The following CNNM2 variants were observed in gnomAD, a reference collection of about 807,000 sequenced individuals.
CNNM2 encodes the protein metal transporter CNNM2.
A neutral mutation model predicts 66.9 loss-of-function variants in CNNM2; 12 were observed. The observed-to-expected ratio is 0.18, with a 90% CI of 0.11 to 0.29. The LOEUF is 0.29. CNNM2 is among the 10% of genes least tolerant of loss of function. The probability of loss-of-function intolerance (pLI) is 1.00; values close to 1 mark genes in which losing one functional copy is unlikely to be tolerated. For synonymous variants in CNNM2, 557 were observed against 501.8 expected (o/e 1.11, Z -1.47); for missense variants, 705 against 1,167.7 (o/e 0.60, Z 5.77).
chr10:103,077,118 G>T lies in CNNM2; in HGVS notation c.2566G>T (p.Glu856Ter). Residue 856 changes from glutamate to a stop codon, truncating the protein, a stop_gained, in exon 8 of 8, where the codon GAA (glutamate) becomes TAA (stop). Transcript: ENST00000369878. LOFTEE classifies it high-confidence loss of function. ...AGACGAGACAGCCAACCTGCTCAAC[G>T]AACAGAACTGTGTGACGCACAGTAA... ...LPDETANLLNEQNCVTHSKAN... is the reference protein window; with the variant it reads ...LPDETANLLN The T allele has an allele frequency of 6.2e-7, 1 of 1,613,960 alleles. No homozygotes were observed. Among genetic ancestry groups the T allele is most frequent in the Non-Finnish European group, 8.5e-7 (1 of 1,179,892 alleles).
chr10:102,964,116 T>C (rs2063424880), intron 1 of CNNM2, among the ~76,000 whole-genome samples: 1 of 152,238 alleles, frequency 6.6e-6, no homozygotes, highest in South Asian at 2.1e-4. Flanking sequence ...AAATATTAAG[T>C]CTACACTCAG....
At chr10:102,979,769 T>TA (rs2063691288) in intron 1 of CNNM2, among the ~76,000 whole-genome samples, 1 of 115,706 alleles carries the variant, frequency 8.6e-6, no homozygotes, top group African/African-American at 3.8e-5. Flanking sequence ...CAAATGAGGT[T>TA]AAAAATTGAT....
chr10:102,971,711 T>C (rs996329358), intron 1 of CNNM2, among the ~76,000 whole-genome samples: 2 of 152,228 alleles, frequency 1.3e-5, no homozygotes, highest in African/African-American at 4.8e-5. Context: ...TTTGTATGAC[T>C]CTACCATAAT....
chr10:103,075,381 T>G (rs1026778544), intron 6 of CNNM2, among the ~76,000 whole-genome samples: 8 of 152,178 alleles, frequency 5.3e-5, no homozygotes, highest in African/African-American at 1.7e-4. Context: ...AACTTCCATT[T>G]AAGAGCAACA....
intron 6 of CNNM2, 54 bp from the exon 7 acceptor site, chr10:103,076,032 T>TTATTG (rs2065684439): frequency 6.8e-7 from 1 of 1,473,310 alleles, no homozygotes; most frequent in Non-Finnish European, 9.2e-7. Flanking sequence ...ATAACTGGTT[T>TTATTG]TATTGGCTGT....
In CNNM2 at chr10:102,943,636, G is replaced by A. The variant is rs565853792; in HGVS notation, c.1621+23535G>A. 1.4e-4 allele frequency among the ~76,000 whole-genome samples: 21 copies of A among 152,274 alleles called. No individual in the cohort carries two copies. In the South Asian group the frequency reaches 2.1e-3, roughly 15 times the overall value. On this transcript the variant is annotated intron_variant, in intron 1 of 7. Transcript: ENST00000369878. The stretch of plus-strand genomic sequence containing the variant: ...ACTCATTACCAACTACTACTGTATG[G>A]AATCCAGAGCCTTCCAGAGTTTGTA...
intron 1 of CNNM2, among the ~76,000 whole-genome samples, chr10:102,974,483 G>A (rs756807105): frequency 2.6e-5 from 4 of 152,154 alleles, no homozygotes; most frequent in African/African-American, 7.2e-5. Context: ...ATGTGAGTCC[G>A]TAGTGAGATG....
At chr10:102,975,654 C>T (rs1210019121) in intron 1 of CNNM2, among the ~76,000 whole-genome samples, 1 of 152,102 alleles carries the variant, frequency 6.6e-6, no homozygotes, top group Non-Finnish European at 1.5e-5. Flanking sequence ...TCTGTGTTGG[C>T]AGGACCTGTG....
chr10:103,012,780 C>A (rs1478324964), intron 1 of CNNM2, among the ~76,000 whole-genome samples: 1 of 151,692 alleles, frequency 6.6e-6, no homozygotes, highest in Non-Finnish European at 1.5e-5. Flanking sequence ...ACCACACTGG[C>A]TAGAGTTATA....
chr10:103,038,001 A>G (rs1177089184), intron 1 of CNNM2, among the ~76,000 whole-genome samples: 1 of 151,978 alleles, frequency 6.6e-6, no homozygotes, highest in Non-Finnish European at 1.5e-5. Context: ...CACCATACCC[A>G]GCTAATTTTT....
rs1345816850 is a variant in CNNM2 at position 103,015,069 on chromosome 10, A to G, written c.1622-34638A>G. On this transcript the variant is annotated intron_variant, in intron 1 of 7. Transcript: ENST00000369878. Reference sequence around the variant, plus strand: ...TTTTAAACATTTGAAAAACCAGAACATATACTCATGAGTGTAATGGTTACA... The same window carrying G: ...TTTTAAACATTTGAAAAACCAGAACGTATACTCATGAGTGTAATGGTTACA... 4.6e-5 allele frequency among the ~76,000 whole-genome samples: 7 copies of G among 152,232 alleles called. No homozygotes were observed. The South Asian group carries it at 1.4e-3, about 32-fold the overall frequency.
chr10:102,981,803 C>T (rs1214238760), intron 1 of CNNM2, among the ~76,000 whole-genome samples: 1 of 151,008 alleles, frequency 6.6e-6, no homozygotes, highest in Non-Finnish European at 1.5e-5. Context: ...TGTTTATTGG[C>T]CATATGTCTA....
intron 1 of CNNM2, among the ~76,000 whole-genome samples, chr10:102,989,588 A>G (rs1251907517): frequency 6.6e-6 from 1 of 152,026 alleles, no homozygotes; most frequent in East Asian, 1.9e-4. Flanking sequence ...GGATCACCTT[A>G]GGTCAAGAGT....
chr10:103,018,944 C>T (rs1590403644), intron 1 of CNNM2, among the ~76,000 whole-genome samples: 1 of 149,762 alleles, frequency 6.7e-6, no homozygotes, highest in East Asian at 2.0e-4. Flanking sequence ...GCGTGAGCCG[C>T]TGTACCTGGC....
chr10:103,071,271 T>C, intron 5 of CNNM2, among the ~76,000 whole-genome samples: 1 of 152,216 alleles, frequency 6.6e-6, no homozygotes, highest in Middle Eastern at 3.2e-3. Flanking sequence ...CTTTACTTAC[T>C]TTCCTCTATG....
chr10:102,984,649 A>G lies in CNNM2; in HGVS notation c.1621+64548A>G, dbSNP rs1971589. Among the ~76,000 whole-genome samples the G allele has an allele frequency of 0.41, 61,925 of 151,930 alleles. 12,841 individuals carry two copies. Among genetic ancestry groups the G allele is most frequent in the East Asian group, 0.56 (2,884 of 5,166 alleles). On this transcript the variant is annotated intron_variant, in intron 1 of 7. Coordinates refer to ENST00000369878, the MANE Select transcript of CNNM2 (RefSeq NM_017649.5). ...GATTATAACTGAAATATAATTGTGTAATCTTGTCCTTACTTCTATCTTATT... is the reference window on the plus strand; with the variant it reads ...GATTATAACTGAAATATAATTGTGTGATCTTGTCCTTACTTCTATCTTATT...
At chr10:102,935,856 C>G (rs1207564542) in intron 1 of CNNM2, among the ~76,000 whole-genome samples, 1 of 146,946 alleles carries the variant, frequency 6.8e-6, no homozygotes, top group Non-Finnish European at 1.5e-5. Context: ...TGGCCTCAAG[C>G]AGTCCTTCCA....
chr10:103,021,225 A>T (rs2064573244), intron 1 of CNNM2, among the ~76,000 whole-genome samples: 2 of 152,168 alleles, frequency 1.3e-5, no homozygotes, highest in Admixed American at 6.5e-5. Context: ...GGGACAGGCT[A>T]AATGGAGCCC....
At chr10:103,036,533 C>T (rs1358679950) in intron 1 of CNNM2, among the ~76,000 whole-genome samples, 2 of 152,166 alleles carry the variant, frequency 1.3e-5, no homozygotes, top group African/African-American at 4.8e-5. Flanking sequence ...AGAGGAGCTG[C>T]CTGGAAAATC....
Sources: allele counts gnomAD v4.1 joint callset (sites outside exome capture counted in the v4.1 genomes callset), GRCh38; gene constraint gnomAD v4.1.1; transcripts MANE v1.5; gene names NCBI Gene and HGNC (gene_info 2026-07-23, HGNC 2026-07-21).